GALNT13: variants seen among roughly 807,000 people sequenced by gnomAD.
GALNT13 encodes the protein polypeptide N-acetylgalactosaminyltransferase 13, also known as UDP-GalNAc:polypeptide N-acetylgalactosaminyltransferase 13.
In GALNT13, 28 loss-of-function variants were observed where a neutral mutation model predicts 64.2. The observed-to-expected ratio is 0.44, with a 90% CI of 0.32 to 0.60. The LOEUF (loss-of-function observed/expected upper bound fraction) is 0.60. GALNT13 is among the 20% of genes least tolerant of loss of function. GALNT13 has a pLI of 0.05. For synonymous variants in GALNT13, 214 were observed against 224.6 expected, an observed-to-expected ratio of 0.95 and a Z score of 0.42; for missense variants, 577 against 669.8, an observed-to-expected ratio of 0.86 and a Z score of 1.53.
chr2:153,514,514 C>A, the GALNT13 span, among the ~76,000 whole-genome samples: 1 of 152,042 alleles, frequency 6.6e-6, no homozygotes, highest in Non-Finnish European at 1.5e-5. Context: ...AAGCCTGGGC[C>A]CTGATTTCTG....
chr2:153,635,413 TATACACATATATATGTATATATATATAC>T, the GALNT13 span, among the ~76,000 whole-genome samples: 12 of 139,920 alleles, frequency 8.6e-5, no homozygotes, highest in East Asian at 4.1e-4. Flanking sequence ...TATATATATA[TATACACATATATATGTATATATATATAC>T]ACACATATAT....
intron 9 of GALNT13, among the ~76,000 whole-genome samples, chr2:154,331,545 C>T (rs2105194850): frequency 6.6e-6 from 1 of 152,054 alleles, no homozygotes; most frequent in East Asian, 1.9e-4. Context: ...GCCACAAGTT[C>T]TACCTTAGCC....
the GALNT13 span, among the ~76,000 whole-genome samples, chr2:153,377,421 G>C: frequency 6.6e-6 from 1 of 152,088 alleles, no homozygotes; most frequent in African/African-American, 2.4e-5. Flanking sequence ...CCTAGCAAGA[G>C]GTGTTTTGGT....
At chr2:154,447,223 A>G (rs1254705053) in intron 12 of GALNT13, among the ~76,000 whole-genome samples, 2 of 152,012 alleles carry the variant, frequency 1.3e-5, no homozygotes, top group Non-Finnish European at 2.9e-5. Flanking sequence ...AAATGCAAAT[A>G]TGGCATATCC....
chr2:153,350,532 G>A, the GALNT13 span, among the ~76,000 whole-genome samples: 2 of 151,758 alleles, frequency 1.3e-5, no homozygotes, highest in African/African-American at 4.8e-5. Context: ...ACAGGCATCC[G>A]CCACCATATC....
At chr2:153,741,176 G>A in the GALNT13 span, among the ~76,000 whole-genome samples, 6 of 151,434 alleles carry the variant, frequency 4.0e-5, no homozygotes, top group African/African-American at 9.7e-5. Context: ...TCTCACTATC[G>A]TATTTTTTTT....
At chr2:154,151,120 G>A (rs912890331) in intron 4 of GALNT13, among the ~76,000 whole-genome samples, 4 of 152,104 alleles carry the variant, frequency 2.6e-5, no homozygotes, top group Admixed American at 2.6e-4. Flanking sequence ...AGAGATTCTG[G>A]TATGTTGTGT....
chr2:153,219,342 T>C, the GALNT13 span, among the ~76,000 whole-genome samples: 2 of 152,192 alleles, frequency 1.3e-5, no homozygotes, highest in African/African-American at 4.8e-5. Context: ...GGACAGAAAA[T>C]AGGAAACTTC....
At chr2:153,933,548 T>A (rs1476972196) in intron 2 of GALNT13, among the ~76,000 whole-genome samples, 1 of 152,130 alleles carries the variant, frequency 6.6e-6, no homozygotes, top group Non-Finnish European at 1.5e-5. Flanking sequence ...AAGTGGGGTG[T>A]TTATCCTGTT....
At chr2:153,155,218 T>C in the GALNT13 span, among the ~76,000 whole-genome samples, 1 of 152,202 alleles carries the variant, frequency 6.6e-6, no homozygotes, top group African/African-American at 2.4e-5. Context: ...GGTTTTTGTA[T>C]CAGGATGATG....
the GALNT13 span, among the ~76,000 whole-genome samples, chr2:153,759,850 A>G: frequency 6.6e-6 from 1 of 152,152 alleles, no homozygotes; most frequent in South Asian, 2.1e-4. Flanking sequence ...GGAAATACTC[A>G]TTTTTGTAAG....
chr2:153,245,217 T>C, the GALNT13 span, among the ~76,000 whole-genome samples: 9 of 152,366 alleles, frequency 5.9e-5, no homozygotes, highest in South Asian at 1.7e-3. Flanking sequence ...TAATTTTTCT[T>C]GCCTGGTAGC....
chr2:153,486,792 C>T, the GALNT13 span, among the ~76,000 whole-genome samples: 3 of 152,154 alleles, frequency 2.0e-5, no homozygotes, highest in South Asian at 2.1e-4. Context: ...GAATTTTTGT[C>T]ATTATTTCAC....
At chr2:154,040,127 G>A (rs1234700195) in intron 3 of GALNT13, among the ~76,000 whole-genome samples, 1 of 140,854 alleles carries the variant, frequency 7.1e-6, no homozygotes, top group South Asian at 2.2e-4. Flanking sequence ...AATGCACAGT[G>A]TCACGTGAGA....
At chr2:153,386,848 A>C in the GALNT13 span, among the ~76,000 whole-genome samples, 154 of 152,202 alleles carry the variant, frequency 1.0e-3, no homozygotes, top group Non-Finnish European at 1.9e-3. Context: ...CTTTGCCTAT[A>C]ACCACAAATA....
the GALNT13 span, among the ~76,000 whole-genome samples, chr2:153,411,323 G>C: frequency 5.3e-5 from 8 of 152,126 alleles, no homozygotes; most frequent in East Asian, 1.4e-3. Flanking sequence ...ATGTGGCCCT[G>C]CCCACAAAGA....
the GALNT13 span, among the ~76,000 whole-genome samples, chr2:153,351,975 A>G: frequency 9.2e-5 from 14 of 152,256 alleles, no homozygotes; most frequent in South Asian, 2.9e-3. Flanking sequence ...GTAAATACTA[A>G]GGAGTGTGAT....
intron 3 of GALNT13, among the ~76,000 whole-genome samples, chr2:154,082,743 C>A (rs1701334299): frequency 1.3e-5 from 2 of 151,818 alleles, no homozygotes; most frequent in Admixed American, 6.6e-5. Context: ...CCTTTGCCCA[C>A]TTTTTGATGG....
At chr2:154,445,764 G>A in intron 12 of GALNT13, 2 of 1,261,452 alleles carry the variant, frequency 1.6e-6, no homozygotes, top group Non-Finnish European at 2.1e-6. Context: ...AGGATTTATT[G>A]TCTGCACTGG....
Sources: gnomAD v4.1 joint callset for allele counts (sites outside exome capture counted in the v4.1 genomes callset) on GRCh38, gnomAD v4.1.1 for gene constraint, MANE v1.5 for transcripts, NCBI Gene and HGNC (gene_info 2026-07-23, HGNC 2026-07-21) for gene names.